Variants in ATP8B4 observed in about 807,000 individuals in gnomAD.
ATP8B4 encodes probable phospholipid-transporting ATPase IM.
Under a neutral mutation model 145.6 loss-of-function variants are expected in ATP8B4, and 133 were observed. That is an observed-to-expected ratio of 0.91 (90% CI 0.79 to 1.05). ATP8B4 has a LOEUF of 1.05. Ranked by LOEUF, ATP8B4 falls within the 50% of genes least tolerant of loss-of-function variation. The probability of loss-of-function intolerance (pLI) is 0.00; values close to 1 mark genes in which losing one functional copy is unlikely to be tolerated. For missense variants in ATP8B4, 1,458 were observed against 1,425.2 expected (o/e 1.02, Z -0.37); for synonymous variants, 507 against 492.9 (o/e 1.03, Z -0.38).
intron 20 of ATP8B4, among the ~76,000 whole-genome samples, chr15:49,910,198 T>C (rs1177313137): frequency 6.6e-6 from 1 of 151,988 alleles, no homozygotes; most frequent in Non-Finnish European, 1.5e-5. Context: ...ATTCACTGAA[T>C]GAAATAAAAA....
intron 18 of ATP8B4, among the ~76,000 whole-genome samples, chr15:49,919,282 T>C (rs2040034256): frequency 1.3e-5 from 2 of 152,174 alleles, no homozygotes; most frequent in Non-Finnish European, 2.9e-5. Flanking sequence ...ATATCAACAG[T>C]GGAGGAGTCC....
intron 21 of ATP8B4, among the ~76,000 whole-genome samples, chr15:49,899,181 GCT>G (rs1301209947): frequency 6.6e-6 from 1 of 151,982 alleles, no homozygotes; most frequent in Non-Finnish European, 1.5e-5. Flanking sequence ...GATTGAATGG[GCT>G]CTTTCTTGCC....
chr15:49,887,758 T>C (rs1269698699), intron 23 of ATP8B4, among the ~76,000 whole-genome samples: 1 of 152,178 alleles, frequency 6.6e-6, no homozygotes, highest in Non-Finnish European at 1.5e-5. Context: ...TGGGAGCAAT[T>C]TATCAGCCTT....
chr15:49,945,398 C>T (rs533667784), intron 14 of ATP8B4, among the ~76,000 whole-genome samples: 1 of 152,186 alleles, frequency 6.6e-6, no homozygotes, highest in Admixed American at 6.5e-5. Context: ...AGCCCAAGAC[C>T]AGATGGTTTC....
chr15:50,079,822 T>G (rs946666547), intron 2 of ATP8B4, among the ~76,000 whole-genome samples: 2 of 152,206 alleles, frequency 1.3e-5, no homozygotes, highest in African/African-American at 4.8e-5. Flanking sequence ...CTGTAATAAA[T>G]ACTATGTGAC....
At chr15:49,973,248 T>C (rs759228869) in intron 12 of ATP8B4, among the ~76,000 whole-genome samples, 3 of 152,214 alleles carry the variant, frequency 2.0e-5, no homozygotes, top group Non-Finnish European at 4.4e-5. Flanking sequence ...ATTTCTATTA[T>C]AATACTGCAA....
chr15:49,898,976 AAT>A (rs2037729750), intron 21 of ATP8B4, among the ~76,000 whole-genome samples: 1 of 152,150 alleles, frequency 6.6e-6, no homozygotes, highest in Non-Finnish European at 1.5e-5. Context: ...TTTTACTGTA[AAT>A]TATTTAATAA....
At chr15:49,872,241 A>G (rs1283566447) in intron 25 of ATP8B4, among the ~76,000 whole-genome samples, 4 of 152,164 alleles carry the variant, frequency 2.6e-5, no homozygotes, top group Admixed American at 6.6e-5. Context: ...CTAAACCTGC[A>G]ATGTTGTCAC....
chr15:49,981,171 A>C lies in ATP8B4; in HGVS notation c.837+35T>G, dbSNP rs767065783. On this transcript the variant is annotated intron_variant, in intron 11 of 27. Transcript: ENST00000284509. ...GATTCAGTAAATGTACTAAGATAAC[A>C]ATGACTAGTGATATTGCCTAGTTTT... is the stretch of plus-strand genomic sequence containing the variant. The C allele has an allele frequency of 3.5e-6, 5 of 1,430,956 alleles. No homozygotes were observed. The South Asian group carries it at 5.9e-5, about 17-fold the overall frequency. The allele number at this position is 1,430,956 out of a possible 1,614,324, so 88.6% of individuals were successfully genotyped here. A position where few individuals can be genotyped will look rare whatever the true frequency, so the allele number is the denominator to read the frequency against.
intron 1 of ATP8B4, among the ~76,000 whole-genome samples, chr15:50,133,391 C>T (rs537642302): frequency 1.3e-5 from 2 of 151,674 alleles, no homozygotes; most frequent in South Asian, 4.2e-4. Context: ...CCAGCCTGTG[C>T]AATATGGGGA....
chr15:49,914,551 G>A (rs2153448991), intron 20 of ATP8B4, among the ~76,000 whole-genome samples: 1 of 152,206 alleles, frequency 6.6e-6, no homozygotes, highest in Middle Eastern at 3.4e-3. Flanking sequence ...TCTGTTGAAA[G>A]GAAGAAAGCA....
chr15:49,920,084 A>G (rs16963076), intron 18 of ATP8B4, among the ~76,000 whole-genome samples, 162 bp downstream of exon 18: 34,850 of 152,178 alleles, frequency 0.23, 5,733 homozygotes, highest in African/African-American at 0.46. Context: ...AGGACCATAC[A>G]TGGAAAACTC....
intron 1 of ATP8B4, among the ~76,000 whole-genome samples, chr15:50,113,903 C>A (rs968734640): frequency 6.9e-6 from 1 of 144,298 alleles, no homozygotes; most frequent in Non-Finnish European, 1.5e-5. Flanking sequence ...CAGGTATATG[C>A]AATTACCGTG....
chr15:49,870,765 A>T (rs552797928), intron 25 of ATP8B4, among the ~76,000 whole-genome samples: 1 of 152,374 alleles, frequency 6.6e-6, no homozygotes, highest in East Asian at 1.9e-4. Flanking sequence ...CTGGTATGGT[A>T]AAACAGACAT....
chr15:50,080,435 G>C (rs2054468928), intron 2 of ATP8B4, among the ~76,000 whole-genome samples: 1 of 152,122 alleles, frequency 6.6e-6, no homozygotes, highest in South Asian at 2.1e-4. Context: ...CTGATGGTTT[G>C]TTAAAGTCGC....
At chr15:49,956,870 T>C (rs1204262319) in intron 14 of ATP8B4, among the ~76,000 whole-genome samples, 1 of 152,154 alleles carries the variant, frequency 6.6e-6, no homozygotes, top group Non-Finnish European at 1.5e-5. Context: ...TTATGAAGTA[T>C]TCTTGAAATT....
chr15:49,867,034 A>T (rs2032910313), intron 25 of ATP8B4, among the ~76,000 whole-genome samples: 1 of 152,348 alleles, frequency 6.6e-6, no homozygotes, highest in East Asian at 1.9e-4. Context: ...CATAAAATTC[A>T]GAAACTGGGA....
In ATP8B4 at chr15:49,897,281, C is replaced by T. The variant is rs80237898; in HGVS notation, c.2697+11G>A. The T allele has an allele frequency of 4.5e-3, 7,107 of 1,589,418 alleles. 34 individuals are homozygous for T. The highest frequency in any genetic ancestry group is 0.032 in the Middle Eastern group (190 of 5,944). ...AAACAAACAAACAAAAAAAAACATGCTTTTACCAACCTGGGCTGAGAAACC... is the reference window on the plus strand; with the variant it reads ...AAACAAACAAACAAAAAAAAACATGTTTTTACCAACCTGGGCTGAGAAACC... On this transcript the variant is annotated intron_variant, in intron 23 of 27. Transcript: ENST00000284509.
At chr15:50,165,521 G>A (rs1208217271) in intron 1 of ATP8B4, among the ~76,000 whole-genome samples, 5 of 152,018 alleles carry the variant, frequency 3.3e-5, no homozygotes, top group Non-Finnish European at 7.4e-5. Context: ...TGGTCATCTT[G>A]CTCTATCTCC....
Sources: gnomAD v4.1 joint callset for allele counts (sites outside exome capture counted in the v4.1 genomes callset) on GRCh38, gnomAD v4.1.1 for gene constraint, MANE v1.5 for transcripts, NCBI Gene and HGNC (gene_info 2026-07-23, HGNC 2026-07-21) for gene names.